The following HEPH variants were observed in gnomAD, a reference collection of about 807,000 sequenced individuals.
HEPH encodes hephaestin.
HEPH carries 69 observed loss-of-function variants against 80.8 expected under a neutral mutation model. That is an observed-to-expected ratio of 0.85 (90% CI 0.70 to 1.04). The LOEUF (loss-of-function observed/expected upper bound fraction) is 1.04, where lower values mean the gene tolerates loss of function less well. HEPH is among the 50% of genes least tolerant of loss of function. The pLI, the probability that HEPH is intolerant of heterozygous loss-of-function variation, is 0.00. For synonymous variants in HEPH, 431 were observed against 322.8 expected (o/e 1.34, Z -3.60); for missense variants, 1,115 against 891.3 (o/e 1.25, Z -3.20).
At chrX:66,179,496 C>A (rs1305104466) in intron 4 of HEPH, among the ~76,000 whole-genome samples, 3 of 111,373 alleles carry the variant, frequency 2.7e-5, no homozygotes, top group Non-Finnish European at 5.7e-5. Flanking sequence ...GTCATTGGTA[C>A]CTTGATGGAG....
intron 4 of HEPH, among the ~76,000 whole-genome samples, chrX:66,180,938 A>G (rs1385351550): frequency 2.0e-5 from 2 of 98,967 alleles, no homozygotes; most frequent in Non-Finnish European, 4.0e-5. Flanking sequence ...ATGAGTGAGA[A>G]TATGCGGTAT....
At chrX:66,232,657 G>C (rs1446421053) in intron 15 of HEPH, among the ~76,000 whole-genome samples, 1 of 110,546 alleles carries the variant, frequency 9.0e-6, no homozygotes. Context: ...AGTCTAGTCA[G>C]GAGAAAACTA....
chrX:66,227,985 A>G (rs957831078), intron 15 of HEPH, among the ~76,000 whole-genome samples: 1 of 111,351 alleles, frequency 9.0e-6, no homozygotes, highest in Non-Finnish European at 1.9e-5. Context: ...AATGAAACTG[A>G]ATCCTCACCT....
intron 10 of HEPH, among the ~76,000 whole-genome samples, chrX:66,198,335 A>G (rs1229268311): frequency 9.0e-6 from 1 of 110,731 alleles, no homozygotes; most frequent in Non-Finnish European, 1.9e-5. Flanking sequence ...CTTCTCTTTG[A>G]CTCCGTTTCC....
intron 13 of HEPH, among the ~76,000 whole-genome samples, chrX:66,203,808 C>T (rs2088614508): frequency 9.0e-6 from 1 of 111,321 alleles, no homozygotes; most frequent in East Asian, 2.8e-4. Flanking sequence ...TAATCTTTGT[C>T]TCTCTTCTTT....
chrX:66,217,789 G>A (rs892918770), intron 15 of HEPH, among the ~76,000 whole-genome samples: 11 of 111,438 alleles, frequency 9.9e-5, no homozygotes, highest in African/African-American at 3.6e-4. Flanking sequence ...GTCTTCAAGG[G>A]ACTCACCTGA....
At chrX:66,179,072 G>T (rs1181021162) in intron 4 of HEPH, among the ~76,000 whole-genome samples, 1 of 111,668 alleles carries the variant, frequency 9.0e-6, no homozygotes, top group Non-Finnish European at 1.9e-5. Flanking sequence ...GGTTTTTATG[G>T]TTTTAGATCT....
intron 11 of HEPH, 38 bp from the exon 12 acceptor site, chrX:66,200,502 C>A: frequency 9.1e-7 from 1 of 1,101,360 alleles, no homozygotes; most frequent in Non-Finnish European, 1.2e-6. Flanking sequence ...GTAGTCTGGT[C>A]TCATCTCCCC....
At chrX:66,214,702 T>A (rs1429716365) in intron 15 of HEPH, among the ~76,000 whole-genome samples, 1 of 102,900 alleles carries the variant, frequency 9.7e-6, no homozygotes, top group African/African-American at 3.8e-5. Flanking sequence ...GATCCATTTT[T>A]AATTTTTCTT....
At chrX:66,176,379 C>A (rs995612024) in intron 4 of HEPH, among the ~76,000 whole-genome samples, 1 of 111,669 alleles carries the variant, frequency 9.0e-6, no homozygotes. Context: ...GAGTATGAAA[C>A]CCACTTGATC....
chrX:66,180,667 ATTAT>A (rs1465962837), intron 4 of HEPH, among the ~76,000 whole-genome samples: 5 of 44,555 alleles, frequency 1.1e-4, no homozygotes, highest in Non-Finnish European at 2.1e-4. Flanking sequence ...TTTTTCAGTC[ATTAT>A]TTGTTTGTAC....
chrX:66,213,370 G>A (rs1004294898), intron 15 of HEPH, among the ~76,000 whole-genome samples: 3 of 111,221 alleles, frequency 2.7e-5, no homozygotes, highest in African/African-American at 9.8e-5. Context: ...GTTTATTGTG[G>A]CACTATTCAC....
At chrX:66,174,254 T>C (rs1296730900) in intron 4 of HEPH, among the ~76,000 whole-genome samples, 1 of 111,397 alleles carries the variant, frequency 9.0e-6, no homozygotes, top group Admixed American at 9.6e-5. Context: ...AGTGAGAACA[T>C]ACAATGTTTA....
chrX:66,238,955 C>A (rs1181108808), intron 15 of HEPH, among the ~76,000 whole-genome samples: 1 of 112,632 alleles, frequency 8.9e-6, no homozygotes, highest in East Asian at 2.8e-4. Flanking sequence ...ACAGATCGCT[C>A]ATGCTATTGT....
intron 5 of HEPH, 46 bp downstream of exon 5, chrX:66,188,587 G>T (rs1234734932): frequency 9.1e-7 from 1 of 1,093,755 alleles, no homozygotes; most frequent in South Asian, 2.1e-5. Flanking sequence ...AACATTGTTG[G>T]AGGGTATCCA....
chrX:66,219,585 G>T (rs1468592323), intron 15 of HEPH, among the ~76,000 whole-genome samples: 1 of 111,520 alleles, frequency 9.0e-6, no homozygotes, highest in Non-Finnish European at 1.9e-5. Context: ...TGTAAATGGG[G>T]GTCGGGTATC....
At chrX:66,216,836 A>G in intron 15 of HEPH, among the ~76,000 whole-genome samples, 1 of 111,721 alleles carries the variant, frequency 9.0e-6, no homozygotes, top group Non-Finnish European at 1.9e-5. Flanking sequence ...CAGGATATAA[A>G]TGAAAAAATA....
intron 9 of HEPH, among the ~76,000 whole-genome samples, chrX:66,196,147 A>G (rs1295889352): frequency 9.0e-6 from 1 of 111,278 alleles, no homozygotes. Context: ...TAGACTGGAT[A>G]TTAGATGTTA....
At chrX:66,198,793 G>T (rs960147178) in intron 10 of HEPH, 85 bp from the exon 11 acceptor site, 1 of 693,716 alleles carries the variant, frequency 1.4e-6, no homozygotes, top group African/African-American at 2.2e-5. Flanking sequence ...AAAGAATCTG[G>T]CATCCCTTGA....
Sources: gnomAD v4.1 joint callset for allele counts (sites outside exome capture counted in the v4.1 genomes callset) on GRCh38, gnomAD v4.1.1 for gene constraint, MANE v1.5 for transcripts, NCBI Gene and HGNC (gene_info 2026-07-23, HGNC 2026-07-21) for gene names.